ATF3: variants seen among roughly 807,000 people sequenced by gnomAD.
The protein encoded by ATF3 is activating transcription factor 3.
ATF3 carries 10 observed loss-of-function variants against 18.4 expected under a neutral mutation model. That is an observed-to-expected ratio of 0.54 (90% CI 0.34 to 0.92). ATF3 has a LOEUF of 0.92. Among genes scored for constraint, ATF3 ranks in the 40% least tolerant of loss-of-function variants. The pLI is 0.02. For synonymous variants in ATF3, 78 were observed against 87.9 expected (o/e 0.89, Z 0.63); for missense variants, 183 against 222.3 (o/e 0.82, Z 1.12).
intron 1 of ATF3, among the ~76,000 whole-genome samples, chr1:212,578,588 T>C (rs1571759810): frequency 6.6e-6 from 1 of 152,338 alleles, no homozygotes; most frequent in East Asian, 1.9e-4. Context: ...TCTGAGGTTT[T>C]TTTTAGTTGG....
chr1:212,586,183 G>C (rs772559550), intron 1 of ATF3, among the ~76,000 whole-genome samples: 2 of 152,122 alleles, frequency 1.3e-5, no homozygotes, highest in Non-Finnish European at 2.9e-5. Flanking sequence ...GAAGTTACCT[G>C]TGGAAGGGGG....
Position 212,603,473 on chromosome 1 carries a change from T to C in ATF3, c.-4-11545T>C, listed in dbSNP as rs367633998. On this transcript the variant is annotated intron_variant, in intron 1 of 3. Transcript: ENST00000366981. ...CATCTTCCACCATATATATGCCGTG[T>C]GTAGCATTTGAAGGTAGACATCAAG... 6.2e-4 allele frequency among the ~76,000 whole-genome samples: 95 copies of C among 152,320 alleles called. 2 individuals carry two copies. The South Asian group carries it at 0.019, about 31-fold the overall frequency.
At chr1:212,592,778 A>G (rs1374156235) in intron 1 of ATF3, among the ~76,000 whole-genome samples, 3 of 151,968 alleles carry the variant, frequency 2.0e-5, no homozygotes. Context: ...TGATGGTCTC[A>G]CTTCTTGAGA....
At chr1:212,617,497 A>T (rs1451673856) in intron 2 of ATF3, among the ~76,000 whole-genome samples, 1 of 152,220 alleles carries the variant, frequency 6.6e-6, no homozygotes, top group Non-Finnish European at 1.5e-5. Context: ...GGACTGACCT[A>T]AAAGACTGTC....
Position 212,619,529 on chromosome 1 carries a change from A to T in ATF3, c.520A>T (p.Ile174Leu), listed in dbSNP as rs1330335850. ...EDERNLFIQQ[I>L]KEGTLQS The stretch of plus-strand genomic sequence containing the variant: ...TGAGAGAAACCTCTTTATCCAACAG[A>T]TAAAAGAAGGAACATTGCAGAGCTA... The change falls in exon 4 of 4, where the codon ATA becomes TTA. Residue 174 changes from isoleucine (I) to leucine (L), a missense_variant. Coordinates refer to ENST00000341491, the MANE Select transcript of ATF3 (RefSeq NM_001674.4). The surrounding 1 kb of genome is among the most constrained non-coding windows in gnomAD (Gnocchi z 4.4). 5 of 1,614,064 alleles carry T rather than the reference A, an allele frequency of 3.1e-6. No homozygotes were observed. Among genetic ancestry groups the T allele is most frequent in the Admixed American group, 1.7e-5 (1 of 60,008 alleles).
chr1:212,582,077 T>C (rs1489123625), intron 1 of ATF3, among the ~76,000 whole-genome samples: 1 of 152,162 alleles, frequency 6.6e-6, no homozygotes, highest in African/African-American at 2.4e-5. Flanking sequence ...GATTGCAAAA[T>C]TTAGCAAATG....
At chr1:212,576,966 C>T (rs1330455990) in intron 1 of ATF3, among the ~76,000 whole-genome samples, 7 of 151,726 alleles carry the variant, frequency 4.6e-5, no homozygotes, top group Non-Finnish European at 8.8e-5. Context: ...CTCTTGACCT[C>T]GTAATCCACC....
intron 1 of ATF3, among the ~76,000 whole-genome samples, chr1:212,600,071 A>G (rs894065003): frequency 6.6e-6 from 1 of 152,214 alleles, no homozygotes; most frequent in African/African-American, 2.4e-5. Context: ...TTTGTGAATA[A>G]TTTTTATTTT....
chr1:212,619,285 G>A lies in ATF3; in HGVS notation c.349-73G>A, dbSNP rs1040722195. The A allele has an allele frequency of 6.2e-7, 1 of 1,611,658 alleles. No individual in the cohort carries two copies. The highest frequency in any genetic ancestry group is 8.5e-7 in the Non-Finnish European group (1 of 1,179,872). ...GTCCCAGGTACACCCCTGCATCCAGGCAGCAGCCCAGGCCACCCCCTCCTC... is the reference window on the plus strand; with the variant it reads ...GTCCCAGGTACACCCCTGCATCCAGACAGCAGCCCAGGCCACCCCCTCCTC... On this transcript the variant is annotated intron_variant, in intron 3 of 3. Coordinates refer to ENST00000341491, the MANE Select transcript of ATF3 (RefSeq NM_001674.4). The surrounding 1 kb of genome is among the most constrained non-coding windows in gnomAD (Gnocchi z 4.4).
At chr1:212,589,622 G>A (rs1473937445) in intron 1 of ATF3, among the ~76,000 whole-genome samples, 1 of 151,424 alleles carries the variant, frequency 6.6e-6, no homozygotes. Flanking sequence ...GGTGGAGGTG[G>A]CAGTGAGCCA....
At chr1:212,607,348 C>T (rs1194685980), upstream of ATF3, among the ~76,000 whole-genome samples, 2 of 152,266 alleles carry the variant, frequency 1.3e-5, no homozygotes, top group East Asian at 1.9e-4. Context: ...GCAGGTCTCC[C>T]TCCCAGGCAG....
intron 1 of ATF3, among the ~76,000 whole-genome samples, chr1:212,578,775 GCT>G (rs1664627694): frequency 6.6e-6 from 1 of 152,044 alleles, no homozygotes; most frequent in African/African-American, 2.4e-5. Flanking sequence ...CTCACTCGGT[GCT>G]CATCCCTCCT....
rs142788650 is a variant in ATF3 at position 212,598,443 on chromosome 1, A to G, written c.-4-16575A>G. ...TGGGAAATGGGGTATCCATCCCCTT[A>G]AGCATTTATCCTTTGTATCTCAATC... On this transcript the variant is annotated intron_variant, in intron 1 of 3. Transcript: ENST00000366981. 2.0e-3 allele frequency among the ~76,000 whole-genome samples: 306 copies of G among 152,340 alleles called. 2 individuals are homozygous for G. Among genetic ancestry groups the G allele is most frequent in the African/African-American group, 6.8e-3 (282 of 41,578 alleles).
upstream of ATF3, among the ~76,000 whole-genome samples, chr1:212,607,188 T>C (rs993810243): frequency 1.3e-5 from 2 of 152,114 alleles, no homozygotes; most frequent in Non-Finnish European, 2.9e-5. Flanking sequence ...TGGGGGGAAC[T>C]GGGGACTTCA....
chr1:212,611,276 T>G (rs1326988840), intron 1 of ATF3, among the ~76,000 whole-genome samples: 1 of 152,262 alleles, frequency 6.6e-6, no homozygotes, highest in Non-Finnish European at 1.5e-5. Flanking sequence ...CTGACTGACC[T>G]GAATGTCTTG....
intron 2 of ATF3, among the ~76,000 whole-genome samples, chr1:212,617,896 G>A (rs961041181): frequency 9.9e-5 from 15 of 151,964 alleles, no homozygotes; most frequent in African/African-American, 3.4e-4. Context: ...ATATATTGCC[G>A]GTATAATTTT....
intron 1 of ATF3, among the ~76,000 whole-genome samples, chr1:212,585,918 G>A (rs1428632791): frequency 2.6e-5 from 4 of 152,032 alleles, no homozygotes; most frequent in Admixed American, 6.6e-5. Context: ...GAGGTTCCCC[G>A]GGCCTTTAGT....
intron 1 of ATF3, among the ~76,000 whole-genome samples, chr1:212,603,497 A>C (rs953493529): frequency 1.3e-5 from 2 of 152,238 alleles, no homozygotes; most frequent in Non-Finnish European, 2.9e-5. Flanking sequence ...GTAGACATCA[A>C]GACTCATTCT....
At chr1:212,612,648 C>G (rs1218780012) in intron 1 of ATF3, among the ~76,000 whole-genome samples, 2 of 152,230 alleles carry the variant, frequency 1.3e-5, no homozygotes, top group African/African-American at 4.8e-5. Flanking sequence ...AACTTCAGTT[C>G]TGACTCATGA....
Sources: allele counts gnomAD v4.1 joint callset (sites outside exome capture counted in the v4.1 genomes callset), GRCh38; gene constraint gnomAD v4.1.1; non-coding constraint Gnocchi (gnomAD v3.1); transcripts MANE v1.5; gene names NCBI Gene and HGNC (gene_info 2026-07-23, HGNC 2026-07-21).